NEGR1: variants seen among roughly 807,000 people sequenced by gnomAD.
The protein encoded by NEGR1 is IgLON family member 4.
Under a neutral mutation model 40.9 loss-of-function variants are expected in NEGR1, and 10 were observed. The ratio of observed to expected loss-of-function variants is 0.24; its 90% CI spans 0.15 to 0.42. NEGR1 has a LOEUF of 0.42. NEGR1 is among the 10% of genes least tolerant of loss of function. The pLI is 1.00. For synonymous variants in NEGR1, 185 were observed against 166.8 expected (o/e 1.11, Z -0.84); for missense variants, 352 against 438.9 (o/e 0.80, Z 1.77).
At chr1:71,779,111 C>T (rs2101721532) in intron 2 of NEGR1, among the ~76,000 whole-genome samples, 1 of 152,246 alleles carries the variant, frequency 6.6e-6, no homozygotes, top group African/African-American at 2.4e-5. Flanking sequence ...AGGCTCCTCT[C>T]CCCAGAAATG....
intron 6 of NEGR1, among the ~76,000 whole-genome samples, chr1:71,498,060 G>C (rs1191967734): frequency 6.6e-6 from 1 of 151,104 alleles, no homozygotes; most frequent in African/African-American, 2.4e-5. Flanking sequence ...TTGTTGAATT[G>C]GAACTTTTTT....
At chr1:72,225,912 TG>T (rs964849833) in intron 1 of NEGR1, among the ~76,000 whole-genome samples, 1 of 151,782 alleles carries the variant, frequency 6.6e-6, no homozygotes, top group Non-Finnish European at 1.5e-5. Context: ...TTGAAGATAA[TG>T]TTTTTGAAGA....
At chr1:71,719,235 TC>T (rs1296296863) in intron 3 of NEGR1, among the ~76,000 whole-genome samples, 12 of 152,220 alleles carry the variant, frequency 7.9e-5, no homozygotes, top group African/African-American at 2.9e-4. Context: ...GTTCTTACTC[TC>T]TACACTTGCT....
intron 1 of NEGR1, among the ~76,000 whole-genome samples, chr1:72,105,215 C>T (rs1327316044): frequency 6.6e-6 from 1 of 152,056 alleles, no homozygotes; most frequent in Non-Finnish European, 1.5e-5. Flanking sequence ...TTACATCATT[C>T]CCATCATTAA....
intron 1 of NEGR1, among the ~76,000 whole-genome samples, chr1:72,232,292 G>A (rs905418376): frequency 2.6e-5 from 4 of 151,884 alleles, no homozygotes; most frequent in Non-Finnish European, 5.9e-5. Context: ...GGGAGGCGGA[G>A]GTTGCAGTGA....
chr1:71,498,038 G>T (rs1478977478), intron 6 of NEGR1, among the ~76,000 whole-genome samples: 1 of 151,660 alleles, frequency 6.6e-6, no homozygotes. Flanking sequence ...CTCAACATGA[G>T]TTCATTAATA....
At chr1:71,621,348 G>A (rs767400127) in intron 4 of NEGR1, among the ~76,000 whole-genome samples, 2 of 151,804 alleles carry the variant, frequency 1.3e-5, no homozygotes, top group Non-Finnish European at 2.9e-5. Flanking sequence ...AATGTGAAAA[G>A]TGTATGTAAC....
intron 6 of NEGR1, among the ~76,000 whole-genome samples, chr1:71,503,668 C>G (rs1226562695): frequency 6.6e-6 from 1 of 152,058 alleles, no homozygotes. Context: ...GTAAGTGCTC[C>G]TCTTACAAGT....
intron 4 of NEGR1, among the ~76,000 whole-genome samples, chr1:71,661,792 C>T (rs192577927): frequency 5.6e-4 from 85 of 152,264 alleles, no homozygotes; most frequent in Non-Finnish European, 9.3e-4. Flanking sequence ...TATTCTACCT[C>T]TTAGTAGTTC....
chr1:72,052,062 T>G (rs1647066949), intron 1 of NEGR1, among the ~76,000 whole-genome samples: 1 of 151,458 alleles, frequency 6.6e-6, no homozygotes, highest in Non-Finnish European at 1.5e-5. Context: ...TATTTCTCTA[T>G]TTCAGATAGA....
At chr1:71,860,397 C>T (rs1321161796) in intron 2 of NEGR1, among the ~76,000 whole-genome samples, 3 of 151,860 alleles carry the variant, frequency 2.0e-5, no homozygotes, top group Non-Finnish European at 4.4e-5. Flanking sequence ...ACAATCTTTG[C>T]CCAGTAAATC....
At chr1:71,852,710 G>A (rs1196801697) in intron 2 of NEGR1, among the ~76,000 whole-genome samples, 1 of 151,430 alleles carries the variant, frequency 6.6e-6, no homozygotes, top group African/African-American at 2.4e-5. Flanking sequence ...AAAAAGACAA[G>A]ACTGGAGGCA....
At chr1:71,830,208 T>G in intron 2 of NEGR1, among the ~76,000 whole-genome samples, 1 of 151,932 alleles carries the variant, frequency 6.6e-6, no homozygotes, top group East Asian at 1.9e-4. Flanking sequence ...GTTACTTTTA[T>G]ATCTGACTCA....
At chr1:71,916,588 A>G (rs1661591350) in intron 2 of NEGR1, among the ~76,000 whole-genome samples, 2 of 152,084 alleles carry the variant, frequency 1.3e-5, no homozygotes, top group Admixed American at 1.3e-4. Flanking sequence ...CACCGTCTCT[A>G]CTAAAAAAAT....
At position 71,988,356 on chromosome 1, in the gene NEGR1, G is replaced by A. The variant is rs528287086; in HGVS notation, c.177-53045C>T. ...AGATCGAGACCATCCTGGCTAACAA[G>A]GTGAAACCCCGTCTCTACTAAAAAT... is the stretch of plus-strand genomic sequence containing the variant. On this transcript the variant is annotated intron_variant, in intron 1 of 6. Transcript: ENST00000357731. Among the ~76,000 whole-genome samples, 4 of 152,064 alleles carry A rather than the reference G, an allele frequency of 2.6e-5. No individual in the cohort carries two copies. The South Asian group carries it at 8.3e-4, about 32-fold the overall frequency.
chr1:71,912,212 G>A (rs1661438003), intron 2 of NEGR1, among the ~76,000 whole-genome samples: 1 of 152,178 alleles, frequency 6.6e-6, no homozygotes, highest in South Asian at 2.1e-4. Context: ...CTGTAGGAGA[G>A]AATGCACTTT....
intron 4 of NEGR1, among the ~76,000 whole-genome samples, chr1:71,635,936 T>G (rs1051384150): frequency 1.3e-5 from 2 of 152,054 alleles, no homozygotes; most frequent in African/African-American, 4.8e-5. Context: ...ATAACTATCA[T>G]TTTATAAAAT....
At chr1:71,829,350 C>T (rs543528990) in intron 2 of NEGR1, among the ~76,000 whole-genome samples, 1 of 151,978 alleles carries the variant, frequency 6.6e-6, no homozygotes, top group Admixed American at 6.6e-5. Context: ...TGTTCCATTC[C>T]CAGCAATACT....
rs917085900 is a variant in NEGR1 at position 71,858,517 on chromosome 1, G to A, written c.409+76562C>T. 8.6e-5 allele frequency among the ~76,000 whole-genome samples: 13 copies of A among 151,990 alleles called. No homozygotes were observed. The East Asian group carries it at 1.6e-3, about 18-fold the overall frequency. On this transcript the variant is annotated intron_variant, in intron 2 of 6. Transcript: ENST00000357731. ...GTGATGGAGAGTCCTATATTAAATT[G>A]CCAAATTTCTCAGTGATAATTGAAG...
Sources: gnomAD v4.1 joint callset for allele counts (sites outside exome capture counted in the v4.1 genomes callset) on GRCh38, gnomAD v4.1.1 for gene constraint, MANE v1.5 for transcripts, NCBI Gene and HGNC (gene_info 2026-07-23, HGNC 2026-07-21) for gene names.